CUBN: variants seen among roughly 807,000 people sequenced by gnomAD.
CUBN encodes the protein cubilin, also known as 460 kDa receptor.
A neutral mutation model predicts 405.3 loss-of-function variants in CUBN; 282 were observed. That is an observed-to-expected ratio of 0.70 (90% CI 0.63 to 0.77). The LOEUF is 0.77. Among genes scored for constraint, CUBN ranks in the 30% least tolerant of loss-of-function variants. The probability of loss-of-function intolerance (pLI) is 0.00; values close to 1 mark genes in which losing one functional copy is unlikely to be tolerated. For synonymous variants in CUBN, 1,684 were observed against 1,617.0 expected (o/e 1.04, Z -0.99); for missense variants, 4,514 against 4,475.2 (o/e 1.01, Z -0.25).
intron 64 of CUBN, among the ~76,000 whole-genome samples, chr10:16,834,227 G>A (rs772971237): frequency 9.9e-5 from 15 of 152,130 alleles, no homozygotes; most frequent in African/African-American, 1.9e-4. Context: ...GCCTATGAGC[G>A]ATGATGTTCA....
chr10:17,067,250 T>C (rs1835629894), intron 21 of CUBN, among the ~76,000 whole-genome samples: 1 of 152,100 alleles, frequency 6.6e-6, no homozygotes, highest in African/African-American at 2.4e-5. Flanking sequence ...TAGCTACAAC[T>C]ATATCTCACA....
chr10:17,027,733 T>G (rs1307573417), intron 27 of CUBN, among the ~76,000 whole-genome samples: 2 of 152,220 alleles, frequency 1.3e-5, no homozygotes, highest in African/African-American at 4.8e-5. Flanking sequence ...CCATAATCTT[T>G]TCTTAAGTAT....
At chr10:16,877,320 C>A (rs973193177) in intron 56 of CUBN, among the ~76,000 whole-genome samples, 2 of 152,200 alleles carry the variant, frequency 1.3e-5, no homozygotes, top group African/African-American at 2.4e-5. Context: ...TAGACACTTT[C>A]CACCTTGAAA....
rs181975663 is a variant in CUBN at position 16,974,067 on chromosome 10, C to G, written c.4695+8417G>C. Among the ~76,000 whole-genome samples the G allele has an allele frequency of 1.3e-3, 199 of 152,294 alleles. 2 individuals carry two copies. The highest frequency in any genetic ancestry group is 3.9e-3 in the African/African-American group (161 of 41,554). On this transcript the variant is annotated intron_variant, in intron 31 of 66. Transcript: ENST00000377833. ...CCCCCAAAACACTCACCATCAGCAG[C>G]ATCATAATGGCTAGCACAAGTGGAG...
In CUBN at chr10:16,853,671, G is replaced by C. The variant is rs1390540601; in HGVS notation, c.9455-2228C>G. ...CTGATATATTCACAGAGGTCATATA[G>C]GACAAAATTATTCTGAAACGTAAGC... is the stretch of plus-strand genomic sequence containing the variant. On this transcript the variant is annotated intron_variant, in intron 59 of 66. Transcript: ENST00000377833. 2.0e-5 allele frequency among the ~76,000 whole-genome samples: 3 copies of C among 152,196 alleles called. No homozygotes were observed. In the East Asian group the frequency reaches 5.8e-4, roughly 29 times the overall value.
In CUBN at chr10:16,915,096, C is replaced by A. The variant is rs1564421478; in HGVS notation, c.7287G>T (p.Arg2429Ser). 2 of 1,614,124 alleles carry A rather than the reference C, an allele frequency of 1.2e-6. No individual in the cohort carries two copies. Among genetic ancestry groups the A allele is most frequent in the Non-Finnish European group, 1.7e-6 (2 of 1,180,018 alleles). Residue 2429 changes from arginine to serine, a missense_variant, in exon 47 of 67, where the codon AGG (arginine) becomes AGT (serine). This residue lies in a region of CUBN where 1,613 missense variants were observed against 1,542.8 expected (regional missense o/e 1.05). Coordinates refer to ENST00000377833, the MANE Select transcript of CUBN (RefSeq NM_001081.4). Reference sequence around the variant, plus strand: ...CAGTCACAGAGCCGTCTGTGACAAACCTGACCACAGCAGTATTGCTAGAAG... The same window carrying A: ...CAGTCACAGAGCCGTCTGTGACAAAACTGACCACAGCAGTATTGCTAGAAG... ...IDTSSNTAVV[R>S]FVTDGSVTAS...
chr10:16,872,375 TAAAG>T (rs1442204705), intron 58 of CUBN, among the ~76,000 whole-genome samples: 7 of 148,504 alleles, frequency 4.7e-5, no homozygotes, highest in East Asian at 2.0e-4. Context: ...GATAGACAGA[TAAAG>T]AGAGAGAGAA....
chr10:17,049,432 T>C (rs1340439089), intron 22 of CUBN, among the ~76,000 whole-genome samples: 1 of 152,204 alleles, frequency 6.6e-6, no homozygotes, highest in Non-Finnish European at 1.5e-5. Flanking sequence ...ATATCTCTAA[T>C]GCAACTTGTC....
At chr10:17,088,485 G>T (rs768680378) in intron 14 of CUBN, 140 bp from the exon 15 acceptor site, 68 of 673,872 alleles carry the variant, frequency 1.0e-4, no homozygotes, top group Non-Finnish European at 1.6e-4. Flanking sequence ...AATTAAAAAA[G>T]ATTTACATTT....
intron 59 of CUBN, among the ~76,000 whole-genome samples, chr10:16,861,165 CT>C (rs397845114): frequency 5.2e-3 from 748 of 143,342 alleles, no homozygotes; most frequent in East Asian, 0.015. Flanking sequence ...CAATGAATGC[CT>C]TTTTTTTTTT....
In CUBN at chr10:16,912,989, C is replaced by T. The variant is rs368872595; in HGVS notation, c.7533+822G>A. On this transcript the variant is annotated intron_variant, in intron 48 of 66. Transcript: ENST00000377833. The stretch of plus-strand genomic sequence containing the variant: ...AACTTTCTAAAATAATCCAAGTGAA[C>T]GGTGGGGGTATTAGTAGCAGATATG... Among the ~76,000 whole-genome samples, 5 of 152,138 alleles carry T rather than the reference C, an allele frequency of 3.3e-5. No individual in the cohort carries two copies. In the South Asian group the frequency reaches 1.0e-3, roughly 32 times the overall value.
intron 31 of CUBN, among the ~76,000 whole-genome samples, chr10:16,974,999 TG>T (rs1317126631): frequency 1.3e-5 from 2 of 152,234 alleles, no homozygotes; most frequent in Non-Finnish European, 2.9e-5. Flanking sequence ...GTAAGCCTTC[TG>T]TCCGTCATAG....
chr10:16,849,045 G>T (rs756509740), intron 60 of CUBN, among the ~76,000 whole-genome samples: 5 of 152,070 alleles, frequency 3.3e-5, no homozygotes, highest in Admixed American at 6.6e-5. Flanking sequence ...AACTGGAATT[G>T]ACATTCCTTG....
At chr10:16,967,733 G>C (rs1259696347) in intron 31 of CUBN, among the ~76,000 whole-genome samples, 1 of 151,446 alleles carries the variant, frequency 6.6e-6, no homozygotes, top group Admixed American at 6.6e-5. Flanking sequence ...GAGAGGGAGA[G>C]AGAGGAACAA....
intron 13 of CUBN, 143 bp from the exon 14 acceptor site, chr10:17,100,382 G>A: frequency 1.5e-6 from 1 of 669,000 alleles, no homozygotes. Flanking sequence ...AGTACATATG[G>A]CAATCTATAT....
chr10:16,949,079 G>A (rs1257449176), intron 34 of CUBN, among the ~76,000 whole-genome samples: 3 of 152,124 alleles, frequency 2.0e-5, no homozygotes, highest in Admixed American at 2.0e-4. Flanking sequence ...CTTGGAAAAA[G>A]GGGCATATTG....
intron 31 of CUBN, among the ~76,000 whole-genome samples, chr10:16,956,580 GTCTTTATTA>G (rs1455704883): frequency 6.6e-6 from 1 of 151,832 alleles, no homozygotes; most frequent in East Asian, 1.9e-4. Context: ...TTTAATTCAA[GTCTTTATTA>G]TCTCTATACT....
Position 17,047,531 on chromosome 10 carries a change from T to G in CUBN, c.3212A>C (p.Asn1071Thr). 6.2e-7 allele frequency: 1 copy of G among 1,613,880 alleles called. No homozygotes were observed. Among genetic ancestry groups the G allele is most frequent in the Non-Finnish European group, 8.5e-7 (1 of 1,179,784 alleles). The change falls in exon 23 of 67, where the codon AAC (asparagine) becomes ACC (threonine). Residue 1071 changes from asparagine to threonine, a missense_variant. Physicochemically the swap from Asn to Thr is moderately conservative, Grantham distance 65. Around this residue, in one of 5 missense-constraint regions of CUBN, gnomAD observed 1,448 missense variants for 1,388.0 expected, o/e 1.04. Coordinates refer to ENST00000377833, the MANE Select transcript of CUBN (RefSeq NM_001081.4). ...TGTGATCCGATAAATGCATTCCCAGTTGTTGGGATAATTATTGGGGAAGTT... is the reference window on the plus strand; with the variant it reads ...TGTGATCCGATAAATGCATTCCCAGGTGTTGGGATAATTATTGGGGAAGTT... ...SPNFPNNYPN[N>T]WECIYRITVR...
Position 16,990,470 on chromosome 10 carries a change from G to A in CUBN, c.4214C>T (p.Pro1405Leu). 1.2e-6 allele frequency: 2 copies of A among 1,614,152 alleles called. No homozygotes were observed. The highest frequency in any genetic ancestry group is 1.6e-4 in the Middle Eastern group (1 of 6,062). Residue 1405 changes from proline to leucine, a missense_variant, in exon 29 of 67, where the codon CCC becomes CTC. Pro to Leu is a moderately conservative substitution (Grantham distance 98). This residue lies in a region of CUBN where 1,613 missense variants were observed against 1,542.8 expected (regional missense o/e 1.05). Transcript: ENST00000377833. The part of the protein sequence containing the change: ...LSGATGSFSS[P>L]GFPNRYPPNK... The stretch of plus-strand genomic sequence containing the variant: ...TGGTGGATACCTGTTGGGGAACCCG[G>A]GGCTGCTGAAGGAGCCTGTGGCCCC...
Sources: allele counts gnomAD v4.1 joint callset (sites outside exome capture counted in the v4.1 genomes callset), GRCh38; gene constraint gnomAD v4.1.1; regional missense constraint gnomAD v4.1.1; transcripts MANE v1.5; gene names NCBI Gene and HGNC (gene_info 2026-07-23, HGNC 2026-07-21).